OPHN1: variants seen among roughly 807,000 people sequenced by gnomAD.
OPHN1 encodes the protein oligophrenin-1.
A neutral mutation model predicts 60.7 loss-of-function variants in OPHN1; 11 were observed. That is an observed-to-expected ratio of 0.18 (90% CI 0.11 to 0.30). OPHN1 has a LOEUF of 0.30. Among genes scored for constraint, OPHN1 ranks in the 10% least tolerant of loss-of-function variants. OPHN1 has a pLI of 1.00. For missense variants in OPHN1, 449 were observed against 611.0 expected (o/e 0.73, Z 2.80); for synonymous variants, 226 against 222.6 (o/e 1.02, Z -0.14).
chrX:68,234,922 C>A (rs187020816), intron 5 of OPHN1, among the ~76,000 whole-genome samples: 7 of 112,206 alleles, frequency 6.2e-5, no homozygotes, highest in Non-Finnish European at 1.9e-5. Context: ...AGATTAACCA[C>A]TCATTCAAAT....
In OPHN1 at chrX:68,274,807, T is replaced by C. The variant is rs770804956; in HGVS notation, c.315A>G (p.Val105=). Residue 105 remains valine, a splice_region_variant and synonymous_variant, in exon 5 of 25, where the codon GTA becomes GTG. Coordinates refer to ENST00000355520, the MANE Select transcript of OPHN1 (RefSeq NM_002547.3). The part of the protein sequence containing the change: ...NEVENERMMM[V]HNASDLLIKP... ...TAATCAGCAAATCACTAGCATTGTG[T>C]ACCTAGACAAAAAGGAAAAACAAAC... 276 of 1,193,775 alleles carry C rather than the reference T, an allele frequency of 2.3e-4. No individual in the cohort carries two copies. The highest frequency in any genetic ancestry group is 1.8e-5 in the African/African-American group (1 of 57,051).
intron 23 of OPHN1, among the ~76,000 whole-genome samples, chrX:68,052,264 T>C (rs1477067045): frequency 5.5e-5 from 5 of 91,678 alleles, no homozygotes; most frequent in African/African-American, 1.4e-4. Flanking sequence ...CACTCCAGCC[T>C]GGGCAACAGA....
chrX:68,207,645 G>C (rs1002067846), intron 9 of OPHN1, among the ~76,000 whole-genome samples: 1 of 109,755 alleles, frequency 9.1e-6, no homozygotes, highest in Non-Finnish European at 1.9e-5. Context: ...ACCATCCACG[G>C]CTTTCCCACT....
chrX:68,279,088 G>C (rs2078006535), intron 4 of OPHN1, among the ~76,000 whole-genome samples: 1 of 83,942 alleles, frequency 1.2e-5, no homozygotes, highest in Non-Finnish European at 2.3e-5. Flanking sequence ...ACTTTTCAAG[G>C]CCCTCCCCCG....
chrX:68,107,257 T>C (rs1321967345), intron 18 of OPHN1, among the ~76,000 whole-genome samples: 1 of 111,627 alleles, frequency 9.0e-6, no homozygotes, highest in Non-Finnish European at 1.9e-5. Flanking sequence ...GCTCTTATAC[T>C]GTATTTGTTT....
At chrX:68,263,716 G>A (rs2077906442) in intron 5 of OPHN1, among the ~76,000 whole-genome samples, 1 of 111,494 alleles carries the variant, frequency 9.0e-6, no homozygotes, top group African/African-American at 3.3e-5. Flanking sequence ...ATGGGCAGGA[G>A]CTACCTATCA....
intron 15 of OPHN1, among the ~76,000 whole-genome samples, chrX:68,182,196 T>TTG (rs2077440657): frequency 1.0e-5 from 1 of 97,321 alleles, no homozygotes; most frequent in Non-Finnish European, 2.1e-5. Flanking sequence ...TAGTTTTTTT[T>TTG]TTTTTTTTTT....
chrX:68,180,322 C>A (rs2077431162), intron 15 of OPHN1, among the ~76,000 whole-genome samples: 1 of 111,737 alleles, frequency 8.9e-6, no homozygotes, highest in Non-Finnish European at 1.9e-5. Flanking sequence ...ACTACGCTTT[C>A]TGAACACATT....
chrX:68,157,979 C>T (rs1189378867), intron 15 of OPHN1, among the ~76,000 whole-genome samples: 2 of 111,415 alleles, frequency 1.8e-5, no homozygotes, highest in African/African-American at 3.3e-5. Context: ...GACGGAGTCT[C>T]GCTCTGTTGC....
intron 2 of OPHN1, among the ~76,000 whole-genome samples, chrX:68,380,000 T>C (rs1229398726): frequency 1.8e-5 from 2 of 110,967 alleles, no homozygotes; most frequent in East Asian, 5.7e-4. Flanking sequence ...TCAGAAGGAA[T>C]GGTACCAGTT....
chrX:68,265,335 C>G (rs902311577), intron 5 of OPHN1, among the ~76,000 whole-genome samples: 3 of 111,602 alleles, frequency 2.7e-5, no homozygotes, highest in Non-Finnish European at 5.6e-5. Flanking sequence ...ACAAAACTTC[C>G]AGAGGAATGA....
In OPHN1 at chrX:68,379,094, C is replaced by A. The variant is rs1431694981; in HGVS notation, c.154+53773G>T. Reference sequence around the variant, plus strand: ...GGAATGTTCTTCCATTTCTTTGTATCCTCTTTGATTTCATTGAGCAGTGGT... The same window carrying A: ...GGAATGTTCTTCCATTTCTTTGTATACTCTTTGATTTCATTGAGCAGTGGT... On this transcript the variant is annotated intron_variant, in intron 2 of 24. Transcript: ENST00000355520. Among the ~76,000 whole-genome samples the A allele has an allele frequency of 8.1e-5, 9 of 110,876 alleles. No homozygotes were observed. In the South Asian group the frequency reaches 3.5e-3, roughly 43 times the overall value.
chrX:68,236,582 C>A (rs1469665126), intron 5 of OPHN1, among the ~76,000 whole-genome samples: 1 of 111,698 alleles, frequency 9.0e-6, no homozygotes, highest in Non-Finnish European at 1.9e-5. Context: ...CTTCAAAAAG[C>A]CACAGTCTAC....
intron 6 of OPHN1, 60 bp from the exon 7 acceptor site, chrX:68,214,032 T>C: frequency 1.5e-6 from 1 of 686,298 alleles, no homozygotes; most frequent in Non-Finnish European, 2.3e-6. Flanking sequence ...AAGTCAGTAC[T>C]TAAGGATTGA....
chrX:68,198,152 C>T (rs756661810), intron 11 of OPHN1, among the ~76,000 whole-genome samples: 1 of 111,929 alleles, frequency 8.9e-6, no homozygotes, highest in Admixed American at 9.5e-5. Flanking sequence ...TGAAAGTTAA[C>T]TACCAATGTG....
intron 15 of OPHN1, among the ~76,000 whole-genome samples, chrX:68,136,634 G>T (rs1355418244): frequency 9.0e-6 from 1 of 111,307 alleles, no homozygotes; most frequent in Non-Finnish European, 1.9e-5. Flanking sequence ...CAAATTCAGG[G>T]TCTACTTTCT....
intron 5 of OPHN1, among the ~76,000 whole-genome samples, chrX:68,248,001 T>A (rs767777865): frequency 6.3e-5 from 7 of 111,692 alleles, no homozygotes; most frequent in African/African-American, 1.9e-4. Context: ...AACAACTATC[T>A]ACACAGAAAA....
intron 2 of OPHN1, among the ~76,000 whole-genome samples, chrX:68,319,038 G>A: frequency 9.0e-6 from 1 of 111,197 alleles, no homozygotes; most frequent in Non-Finnish European, 1.9e-5. Flanking sequence ...CCTGGATAAC[G>A]CAGTGTCAGG....
At chrX:68,194,986 AAG>A (rs1312674649) in intron 12 of OPHN1, among the ~76,000 whole-genome samples, 3 of 91,316 alleles carry the variant, frequency 3.3e-5, no homozygotes, top group Non-Finnish European at 6.4e-5. Flanking sequence ...GAAAGAAAGA[AAG>A]AGAGAGAGAG....
Sources: allele counts gnomAD v4.1 joint callset (sites outside exome capture counted in the v4.1 genomes callset), GRCh38; gene constraint gnomAD v4.1.1; transcripts MANE v1.5; gene names NCBI Gene and HGNC (gene_info 2026-07-23, HGNC 2026-07-21).